Variants in CBFA2T3 observed in about 807,000 individuals in gnomAD.
CBFA2T3 encodes the protein transcriptional corepressor CBFA2T3.
In CBFA2T3, 31 loss-of-function variants were observed where a neutral mutation model predicts 58.6. That is an observed-to-expected ratio of 0.53 (90% CI 0.40 to 0.71). The LOEUF is 0.71. CBFA2T3 is among the 30% of genes least tolerant of loss of function. The pLI, the probability that CBFA2T3 is intolerant of heterozygous loss-of-function variation, is 0.00. For missense variants in CBFA2T3, 1,076 were observed against 963.1 expected (o/e 1.12, Z -1.55); for synonymous variants, 531 against 421.9 (o/e 1.26, Z -3.17).
chr16:88,954,398 T>A (rs5028128), intron 1 of CBFA2T3, among the ~76,000 whole-genome samples: 2 of 80,752 alleles, frequency 2.5e-5, no homozygotes, highest in East Asian at 4.9e-4. Context: ...CTCCTGACCC[T>A]ACCCAAGACT....
intron 1 of CBFA2T3, chr16:88,937,434 G>T: frequency 6.5e-6 from 1 of 152,904 alleles, no homozygotes. Context: ...GCGAGGCAGC[G>T]GGTCCCAGCC....
chr16:88,885,321 G>T lies in CBFA2T3; in HGVS notation c.894-52C>A. Reference sequence around the variant, plus strand: ...GGCAGTGGACATAGGATGAACCGGGGACAGAGGTGCAGGTGGGGTGAGAGG... The same window carrying T: ...GGCAGTGGACATAGGATGAACCGGGTACAGAGGTGCAGGTGGGGTGAGAGG... On this transcript the variant is annotated intron_variant, in intron 6 of 11. Transcript: ENST00000268679. This position sits in a 1 kb window ranked among gnomAD's most constrained non-coding sequence, Gnocchi z 5.3. 7.6e-7 allele frequency: 1 copy of T among 1,322,222 alleles called. No homozygotes were observed. Among genetic ancestry groups the T allele is most frequent in the Non-Finnish European group, 1.0e-6 (1 of 982,130 alleles). The allele number at this position is 1,322,222 out of a possible 1,614,324, so 81.9% of individuals were successfully genotyped here. A position where few individuals can be genotyped will look rare whatever the true frequency, so the allele number is the denominator to read the frequency against.
At position 88,885,293 on chromosome 16, in the gene CBFA2T3, G is replaced by T; in HGVS notation, c.894-24C>A. ...TCCTAGCCCCAAGAGCAGGTGGGGC[G>T]AGGGCAGTGGACATAGGATGAACCG... On this transcript the variant is annotated intron_variant, in intron 6 of 11. Coordinates refer to ENST00000268679, the MANE Select transcript of CBFA2T3 (RefSeq NM_005187.6). The surrounding 1 kb of genome is among the most constrained non-coding windows in gnomAD (Gnocchi z 5.3). The T allele has an allele frequency of 1.4e-6, 2 of 1,481,148 alleles. No individual in the cohort carries two copies. Among genetic ancestry groups the T allele is most frequent in the Non-Finnish European group, 1.8e-6 (2 of 1,102,172 alleles). 91.8% of individuals were successfully genotyped at this position (1,481,148 alleles called of 1,614,324 possible). A position where few individuals can be genotyped will look rare whatever the true frequency, so the allele number is the denominator to read the frequency against.
intron 1 of CBFA2T3, among the ~76,000 whole-genome samples, chr16:88,945,015 A>G (rs1459295025): frequency 6.6e-6 from 1 of 152,242 alleles, no homozygotes; most frequent in East Asian, 1.9e-4. Context: ...TTCAGAAAAT[A>G]GTTCTGAGCA....
Position 88,970,839 on chromosome 16 carries a change from G to A in CBFA2T3, c.151+5818C>T, listed in dbSNP as rs939662359. Among the ~76,000 whole-genome samples the A allele has an allele frequency of 7.9e-5, 12 of 152,230 alleles. No homozygotes were observed. In the East Asian group the frequency reaches 1.3e-3, roughly 17 times the overall value. ...AGAGCCCCTGTCTCGTGCAGCCGAC[G>A]CTGGGGGCCGGGGGATGAGTAGTAC... On this transcript the variant is annotated intron_variant, in intron 1 of 11. Transcript: ENST00000268679.
chr16:88,942,056 T>A (rs1447113708), intron 1 of CBFA2T3, among the ~76,000 whole-genome samples: 2 of 152,052 alleles, frequency 1.3e-5, no homozygotes, highest in African/African-American at 2.4e-5. Flanking sequence ...TTCCCGCGGG[T>A]CCCGGGGCCA....
At chr16:88,910,860 G>T (rs1278867389) in intron 1 of CBFA2T3, among the ~76,000 whole-genome samples, 1 of 151,522 alleles carries the variant, frequency 6.6e-6, no homozygotes, top group African/African-American at 2.4e-5. Context: ...GTATCCAGAT[G>T]ACCAGGAGGC....
intron 1 of CBFA2T3, among the ~76,000 whole-genome samples, chr16:88,920,096 G>A (rs1189433369): frequency 6.6e-6 from 1 of 152,178 alleles, no homozygotes; most frequent in Admixed American, 6.5e-5. Flanking sequence ...ATAGTGAAAG[G>A]GTCAGGCGGT....
intron 1 of CBFA2T3, among the ~76,000 whole-genome samples, chr16:88,970,576 G>T (rs939130081): frequency 1.3e-5 from 2 of 152,228 alleles, no homozygotes; most frequent in African/African-American, 4.8e-5. Context: ...GTGAAAGCCG[G>T]GAAGGGATTG....
At chr16:88,877,636 G>A (rs1201646407) in intron 11 of CBFA2T3, among the ~76,000 whole-genome samples, 1 of 152,072 alleles carries the variant, frequency 6.6e-6, no homozygotes, top group South Asian at 2.1e-4. Flanking sequence ...CTCACCATCC[G>A]CCTCTGCTGC....
chr16:88,886,192 C>T (rs1230943491), intron 5 of CBFA2T3, 50 bp from the exon 6 acceptor site: 1 of 1,377,474 alleles, frequency 7.3e-7, no homozygotes, highest in Non-Finnish European at 9.6e-7. Context: ...GTGCACAGCC[C>T]TGCTCAGGTC....
chr16:88,894,246 A>G (rs1969775706), intron 3 of CBFA2T3, among the ~76,000 whole-genome samples: 1 of 49,148 alleles, frequency 2.0e-5, no homozygotes, highest in Non-Finnish European at 3.9e-5. Flanking sequence ...ATGCATACAT[A>G]TACACATGCA....
At position 88,893,325 on chromosome 16, in the gene CBFA2T3, C is replaced by T. The variant is rs546872261; in HGVS notation, c.380-840G>A. ...CCCCCCCCGACACACAGGTGCCTCC[C>T]AGCCCTGAGCAATATGCGCTGCAGG... is the stretch of plus-strand genomic sequence containing the variant. On this transcript the variant is annotated intron_variant, in intron 3 of 11. Transcript: ENST00000268679. 3.3e-5 allele frequency among the ~76,000 whole-genome samples: 5 copies of T among 151,742 alleles called. No individual in the cohort carries two copies. In the East Asian group the frequency reaches 7.7e-4, roughly 23 times the overall value.
intron 5 of CBFA2T3, among the ~76,000 whole-genome samples, chr16:88,889,609 A>T (rs1969541759): frequency 6.6e-6 from 1 of 151,928 alleles, no homozygotes; most frequent in African/African-American, 2.4e-5. Flanking sequence ...CCCACCTGTT[A>T]ATCAGGAACA....
intron 1 of CBFA2T3, among the ~76,000 whole-genome samples, chr16:88,975,228 C>CCCTCTCTGCTCCACATCTTT (rs1567644141): frequency 4.0e-5 from 4 of 100,596 alleles, no homozygotes; most frequent in East Asian, 3.5e-4. Context: ...TCCTCACCTG[C>CCCTCTCTGCTCCACATCTTT]AGCCATGTCA....
At chr16:88,879,607 G>A in intron 10 of CBFA2T3, 147 bp from the exon 11 acceptor site, 1 of 683,304 alleles carries the variant, frequency 1.5e-6, no homozygotes. Context: ...ACATGTTGAT[G>A]GGGCTGTAGG....
intron 1 of CBFA2T3, among the ~76,000 whole-genome samples, chr16:88,954,571 C>G (rs77945152): frequency 1.6e-5 from 1 of 63,030 alleles, no homozygotes; most frequent in Non-Finnish European, 3.3e-5. Flanking sequence ...CCTGACCCTA[C>G]CCAAGGCTCC....
intron 1 of CBFA2T3, among the ~76,000 whole-genome samples, chr16:88,946,563 A>T (rs983979442): frequency 6.8e-6 from 1 of 147,350 alleles, no homozygotes; most frequent in African/African-American, 2.5e-5. Context: ...GCTCACTGCA[A>T]CCTCTGCCTC....
chr16:88,886,291 A>T, intron 5 of CBFA2T3, 149 bp from the exon 6 acceptor site: 8 of 359,502 alleles, frequency 2.2e-5, no homozygotes, highest in African/African-American at 4.3e-5. Context: ...CTGGGCCTCA[A>T]GTTCCTTCCT....
Sources: gnomAD v4.1 joint callset for allele counts (sites outside exome capture counted in the v4.1 genomes callset) on GRCh38, gnomAD v4.1.1 for gene constraint, Gnocchi (gnomAD v3.1) non-coding constraint, MANE v1.5 for transcripts, NCBI Gene and HGNC (gene_info 2026-07-23, HGNC 2026-07-21) for gene names.